HMGN2: variants seen among roughly 807,000 people sequenced by gnomAD.
HMGN2 encodes non-histone chromosomal protein HMG-17.
A neutral mutation model predicts 16.9 loss-of-function variants in HMGN2; 2 were observed. The ratio of observed to expected loss-of-function variants is 0.12; its 90% CI spans 0.05 to 0.37. The LOEUF (loss-of-function observed/expected upper bound fraction) is 0.37. HMGN2 is among the 10% of genes least tolerant of loss of function. The pLI is 1.00. For missense variants in HMGN2, 90 were observed against 106.0 expected, an observed-to-expected ratio of 0.85 and a Z score of 0.66; for synonymous variants, 31 against 34.9, an observed-to-expected ratio of 0.89 and a Z score of 0.39.
chr1:26,474,721 T>C lies in HMGN2; in HGVS notation c.237+54T>C, dbSNP rs2075596832. On this transcript the variant is annotated intron_variant, in intron 5 of 5. Coordinates refer to ENST00000361427, the MANE Select transcript of HMGN2 (RefSeq NM_005517.4). The stretch of plus-strand genomic sequence containing the variant: ...ATTTGTTCATTCAGTTAGTTGCTGA[T>C]ATCAAAAATTTAATTGCCCTTTTCT... 4 of 854,262 alleles carry C rather than the reference T, an allele frequency of 4.7e-6. No individual in the cohort carries two copies. In the Admixed American group the frequency reaches 7.8e-5, roughly 17 times the overall value. The allele number at this position is 854,262 out of a possible 1,614,324, so 52.9% of individuals were successfully genotyped here.
At chr1:26,474,455 G>A in intron 4 of HMGN2, 117 bp from the exon 5 acceptor site, 1 of 652,474 alleles carries the variant, frequency 1.5e-6, no homozygotes, top group Non-Finnish European at 2.8e-6. Context: ...CTTGTCAAAT[G>A]GGTGAGGGTT....
At chr1:26,473,290 C>T in intron 1 of HMGN2, 193 bp from the exon 2 acceptor site, 1 of 597,522 alleles carries the variant, frequency 1.7e-6, no homozygotes, top group Non-Finnish European at 3.0e-6. Context: ...CGGTCCAGCC[C>T]TCGCTTCTCG....
At chr1:26,474,941 A>G (rs2075598444) in intron 5 of HMGN2, 172 bp from the exon 6 acceptor site, 2 of 627,266 alleles carry the variant, frequency 3.2e-6, no homozygotes, top group Non-Finnish European at 5.7e-6. Flanking sequence ...TGAGGCCCAG[A>G]GGAGAGGTGA....
chr1:26,475,066 T>C (rs766072713), intron 5 of HMGN2, 47 bp from the exon 6 acceptor site: 7 of 1,520,126 alleles, frequency 4.6e-6, no homozygotes, highest in Non-Finnish European at 5.5e-6. Context: ...TGAACACAGA[T>C]AGTTTTGAAA....
chr1:26,473,234 G>T (rs920326057), intron 1 of HMGN2: 23 of 531,044 alleles, frequency 4.3e-5, no homozygotes, highest in Middle Eastern at 4.9e-4. Context: ...TGTTGCTCCT[G>T]CCTGTCGCGG....
In HMGN2 at chr1:26,475,357, T is replaced by G. The variant is rs565853713; in HGVS notation, c.*209T>G. 23 of 437,094 alleles carry G rather than the reference T, an allele frequency of 5.3e-5. No individual in the cohort carries two copies. In the Admixed American group the frequency reaches 8.6e-4, roughly 16 times the overall value. The allele number at this position is 437,094 out of a possible 1,614,324, so 27.1% of individuals were successfully genotyped here. Reference sequence around the variant, plus strand: ...GAATGTCTCCAAAGCTGGATTGATGTGGAGAAAACACCTTTCCCTTCTAGT... The same window carrying G: ...GAATGTCTCCAAAGCTGGATTGATGGGGAGAAAACACCTTTCCCTTCTAGT... On this transcript the variant is annotated 3_prime_UTR_variant, in exon 6 of 6. Transcript: ENST00000361427.
At chr1:26,473,091 G>GCACGAGACGCGCGCTGTCGCCGCC (rs1246188310) in intron 1 of HMGN2, 2 of 247,170 alleles carry the variant, frequency 8.1e-6, no homozygotes, top group Admixed American at 5.6e-5. Context: ...CGTTCCCCGC[G>GCACGAGACGCGCGCTGTCGCCGCC]CACGAGACGC....
At position 26,475,322 on chromosome 1, in the gene HMGN2, G is replaced by A. The variant is rs1398813871; in HGVS notation, c.*174G>A. Reference sequence around the variant, plus strand: ...GTTGTTTTTGGGGGAAGGGGCATATGTCACTAATAGAATGTCTCCAAAGCT... The same window carrying A: ...GTTGTTTTTGGGGGAAGGGGCATATATCACTAATAGAATGTCTCCAAAGCT... On this transcript the variant is annotated 3_prime_UTR_variant, in exon 6 of 6. Transcript: ENST00000361427. 5.9e-6 allele frequency: 3 copies of A among 506,578 alleles called. No individual in the cohort carries two copies. The highest frequency in any genetic ancestry group is 5.9e-5 in the African/African-American group (3 of 50,998). The allele number at this position is 506,578 out of a possible 1,614,324, so 31.4% of individuals were successfully genotyped here. A position where few individuals can be genotyped will look rare whatever the true frequency, so the allele number is the denominator to read the frequency against.
chr1:26,472,751 C>T, intron 1 of HMGN2, 124 bp downstream of exon 1: 1 of 861,242 alleles, frequency 1.2e-6, no homozygotes, highest in South Asian at 1.8e-5. Flanking sequence ...CGCGCGGGGG[C>T]TGGAGACGGT....
At position 26,476,313 on chromosome 1, in the gene HMGN2, C is replaced by G. The variant is rs2075608760; in HGVS notation, c.*1165C>G. 6.6e-6 allele frequency among the ~76,000 whole-genome samples: 1 copy of G among 152,194 alleles called. No individual in the cohort carries two copies. Among genetic ancestry groups the G allele is most frequent in the Non-Finnish European group, 1.5e-5 (1 of 68,040 alleles). On this transcript the variant is annotated 3_prime_UTR_variant, in exon 6 of 6. Transcript: ENST00000361427. The stretch of plus-strand genomic sequence containing the variant: ...TTTTGGCTGGGTAGCTGACAGGAGC[C>G]TCTCTACTTCCATCTGCATTTGCAA...
In HMGN2 at chr1:26,473,520, A is replaced by C. The variant is rs1338553334; in HGVS notation, c.53A>C (p.Lys18Thr). The C allele has an allele frequency of 6.2e-7, 1 of 1,613,030 alleles. No individual in the cohort carries two copies. The highest frequency in any genetic ancestry group is 8.5e-7 in the Non-Finnish European group (1 of 1,178,990). The change falls in exon 2 of 6, where the codon AAG becomes ACG. Residue 18 changes from lysine (K) to threonine (T), a missense_variant. Physicochemically the swap from Lys to Thr is moderately conservative, Grantham distance 78. Transcript: ENST00000361427. Reference sequence around the variant, plus strand: ...GCTAAGGGAGATAAAGCAAAGGTGAAGGACGAAGTAAGTCATTCTCTCTTC... The same window carrying C: ...GCTAAGGGAGATAAAGCAAAGGTGACGGACGAAGTAAGTCATTCTCTCTTC... ...GDAKGDKAKV[K>T]DEPQRRSARL...
intron 4 of HMGN2, among the ~76,000 whole-genome samples, 187 bp from the exon 5 acceptor site, chr1:26,474,385 T>C (rs1233033224): frequency 1.3e-5 from 2 of 152,216 alleles, no homozygotes; most frequent in Non-Finnish European, 2.9e-5. Flanking sequence ...CTTAGGAAAT[T>C]CTAAGTACTA....
At chr1:26,475,080 A>T in intron 5 of HMGN2, 33 bp from the exon 6 acceptor site, 1 of 1,584,598 alleles carries the variant, frequency 6.3e-7, no homozygotes, top group Non-Finnish European at 8.7e-7. Context: ...TTTGAAATCT[A>T]CGCATTGCAT....
At position 26,473,050 on chromosome 1, in the gene HMGN2, CTTGTGCGG is replaced by C. The variant is rs1214669985; in HGVS notation, c.15+425_16-424del. ...AAAACCGCCGCCGTGAGGGGCGGGG[CTTGTGCGG>C]TATGGCCCCGCCCCCTCGCCCACGT... On this transcript the variant is annotated intron_variant, in intron 1 of 5. Coordinates refer to ENST00000361427, the MANE Select transcript of HMGN2 (RefSeq NM_005517.4). Among the ~76,000 whole-genome samples the C allele has an allele frequency of 4.6e-5, 7 of 151,196 alleles. No individual in the cohort carries two copies. In the East Asian group the frequency reaches 1.2e-3, roughly 26 times the overall value.
At chr1:26,473,424 T>G (rs1488973459) in intron 1 of HMGN2, 59 bp from the exon 2 acceptor site, 13 of 1,226,114 alleles carry the variant, frequency 1.1e-5, no homozygotes, top group Non-Finnish European at 1.4e-5. Context: ...ACTCTAAAGT[T>G]TGGGAAGTAA....
chr1:26,474,866 A>C, intron 5 of HMGN2, 199 bp downstream of exon 5: 1 of 610,650 alleles, frequency 1.6e-6, no homozygotes, highest in South Asian at 2.0e-5. Flanking sequence ...TACTACATGA[A>C]GTTTTCAAGC....
At chr1:26,472,715 C>T in intron 1 of HMGN2, 88 bp downstream of exon 1, 1 of 1,259,638 alleles carries the variant, frequency 7.9e-7, no homozygotes, top group Non-Finnish European at 1.1e-6. Flanking sequence ...AGAATCGGCG[C>T]CGAGCAGGAG....
At position 26,472,604 on chromosome 1, in the gene HMGN2, G is replaced by C; in HGVS notation, c.-9G>C. 1 of 1,534,584 alleles carries C rather than the reference G, an allele frequency of 6.5e-7. No individual in the cohort carries two copies. Among genetic ancestry groups the C allele is most frequent in the Non-Finnish European group, 8.7e-7 (1 of 1,147,556 alleles). ...GCACCTACGTCCCGCTGCCGTCGCC[G>C]CCGCCACCATGCCCAAGAGAAAGGT... On this transcript the variant is annotated 5_prime_UTR_variant, in exon 1 of 6. Transcript: ENST00000361427.
In HMGN2 at chr1:26,472,511, G is replaced by C; in HGVS notation, c.-102G>C. ...TTATAAACCCCCCGGAGCCCGAGCA[G>C]TGTGAAGAAGAGGCGAGAACGACCC... is the stretch of plus-strand genomic sequence containing the variant. On this transcript the variant is annotated 5_prime_UTR_variant, in exon 1 of 6. Transcript: ENST00000361427. 1 of 1,366,724 alleles carries C rather than the reference G, an allele frequency of 7.3e-7. No individual in the cohort carries two copies. The highest frequency in any genetic ancestry group is 1.0e-6 in the Non-Finnish European group (1 of 995,858). The allele number at this position is 1,366,724 out of a possible 1,614,324, so 84.7% of individuals were successfully genotyped here.
Sources: allele counts gnomAD v4.1 joint callset (sites outside exome capture counted in the v4.1 genomes callset), GRCh38; gene constraint gnomAD v4.1.1; transcripts MANE v1.5; gene names NCBI Gene and HGNC (gene_info 2026-07-23, HGNC 2026-07-21).